WDPCP: variants seen among roughly 807,000 people sequenced by gnomAD.
WDPCP encodes WD repeat-containing and planar cell polarity effector protein fritz homolog.
WDPCP carries 71 observed loss-of-function variants against 93.1 expected under a neutral mutation model. That is an observed-to-expected ratio of 0.76 (90% confidence interval 0.63 to 0.93). The LOEUF is 0.93. WDPCP is among the 40% of genes least tolerant of loss of function. The pLI is 0.00. For missense variants in WDPCP, 844 were observed against 887.4 expected, an observed-to-expected ratio of 0.95 and a Z score of 0.62; for synonymous variants, 315 against 315.0, an observed-to-expected ratio of 1.00 and a Z score of 0.00.
At chr2:63,643,613 G>T in intron 3 of WDPCP, 1 of 443,082 alleles carries the variant, frequency 2.3e-6, no homozygotes, top group South Asian at 1.8e-5. Context: ...TGGATAGTGT[G>T]AACATCATGA....
intron 1 of WDPCP, among the ~76,000 whole-genome samples, chr2:63,551,259 T>C (rs1384687497): frequency 6.6e-6 from 1 of 152,082 alleles, no homozygotes; most frequent in African/African-American, 2.4e-5. Flanking sequence ...GTAAAAAATA[T>C]GACTGTAATA....
chr2:63,152,779 A>G (rs1671972687), intron 17 of WDPCP, 135 bp downstream of exon 17: 1 of 751,326 alleles, frequency 1.3e-6, no homozygotes, highest in African/African-American at 1.8e-5. Context: ...GTTAATATAG[A>G]CCAGTTAATC....
At chr2:63,611,050 A>G (rs1321246153) in intron 3 of WDPCP, among the ~76,000 whole-genome samples, 1 of 152,188 alleles carries the variant, frequency 6.6e-6, no homozygotes, top group Non-Finnish European at 1.5e-5. Flanking sequence ...AAGAACTGAG[A>G]TCATGCCACA....
upstream of WDPCP, chr2:63,589,255 TAGG>T: frequency 1.3e-6 from 2 of 1,552,402 alleles, no homozygotes. Context: ...GGGGCGCTCT[TAGG>T]AGGACTCTGG....
intron 16 of WDPCP, 49 bp downstream of exon 16, chr2:63,153,446 T>C (rs556435415): frequency 5.7e-6 from 8 of 1,408,554 alleles, no homozygotes; most frequent in African/African-American, 1.4e-5. Context: ...AGCTATAACA[T>C]AGTTTTTCTG....
chr2:63,835,208 G>A, the WDPCP span, among the ~76,000 whole-genome samples: 1 of 151,698 alleles, frequency 6.6e-6, no homozygotes, highest in East Asian at 1.9e-4. Context: ...CCAACATGGT[G>A]AAACCCTGTC....
At chr2:63,684,573 C>T in intron 2 of WDPCP, 1 of 715,804 alleles carries the variant, frequency 1.4e-6, no homozygotes, top group South Asian at 1.4e-5. Flanking sequence ...GTGGATATCC[C>T]CTTGAACAAA....
intron 3 of WDPCP, among the ~76,000 whole-genome samples, chr2:63,615,837 A>G (rs1325903754): frequency 6.6e-6 from 1 of 152,102 alleles, no homozygotes; most frequent in Non-Finnish European, 1.5e-5. Flanking sequence ...TTTTCTACTC[A>G]TGCTTCTTCT....
intron 12 of WDPCP, among the ~76,000 whole-genome samples, chr2:63,360,313 C>A (rs1255763884): frequency 2.6e-5 from 4 of 152,168 alleles, no homozygotes; most frequent in Admixed American, 6.5e-5. Flanking sequence ...ACTTAAGCAC[C>A]AATATTGCAC....
intron 1 of WDPCP, among the ~76,000 whole-genome samples, chr2:63,548,192 T>C (rs1232250817): frequency 1.3e-5 from 2 of 151,858 alleles, no homozygotes; most frequent in African/African-American, 4.8e-5. Flanking sequence ...ACATCTAAAA[T>C]ATAAGGAAAC....
intron 17 of WDPCP, among the ~76,000 whole-genome samples, chr2:63,135,871 A>G (rs1670580819): frequency 6.6e-6 from 1 of 152,060 alleles, no homozygotes; most frequent in Non-Finnish European, 1.5e-5. Context: ...AGCTGGGACT[A>G]CAGGCACGTG....
intron 1 of WDPCP, among the ~76,000 whole-genome samples, chr2:63,562,650 C>A (rs1706714414): frequency 6.6e-6 from 1 of 152,104 alleles, no homozygotes; most frequent in Non-Finnish European, 1.5e-5. Flanking sequence ...TTTCTAATTC[C>A]AACATTTTTC....
At chr2:63,720,344 G>A (rs1045958234) in intron 2 of WDPCP, among the ~76,000 whole-genome samples, 9 of 151,522 alleles carry the variant, frequency 5.9e-5, no homozygotes, top group African/African-American at 2.2e-4. Context: ...TTGATCCCAT[G>A]AGGCAGAGGT....
intron 10 of WDPCP, among the ~76,000 whole-genome samples, chr2:63,398,399 A>G (rs2105112734): frequency 6.6e-6 from 1 of 152,334 alleles, no homozygotes; most frequent in Admixed American, 6.5e-5. Flanking sequence ...ATTGCTTTCT[A>G]TAAAACAACA....
intron 1 of WDPCP, among the ~76,000 whole-genome samples, chr2:63,501,293 G>C (rs1701532162): frequency 6.6e-6 from 1 of 152,244 alleles, no homozygotes; most frequent in African/African-American, 2.4e-5. Flanking sequence ...GCCAGGTGCA[G>C]AGGCTTACAT....
At chr2:63,298,909 GT>G (rs1685099227) in intron 13 of WDPCP, among the ~76,000 whole-genome samples, 1 of 152,114 alleles carries the variant, frequency 6.6e-6, no homozygotes, top group African/African-American at 2.4e-5. Flanking sequence ...TTTTCACTAT[GT>G]CCCAAAAGGT....
intron 1 of WDPCP, among the ~76,000 whole-genome samples, chr2:63,554,882 T>C (rs1705962493): frequency 1.3e-5 from 2 of 151,986 alleles, no homozygotes; most frequent in African/African-American, 2.4e-5. Context: ...GGGAGCTACA[T>C]GGGGGAAAGG....
Position 63,342,963 on chromosome 2 carries a change from C to G in WDPCP, c.1749-29652G>C, listed in dbSNP as rs578189750. 7.9e-5 allele frequency among the ~76,000 whole-genome samples: 12 copies of G among 152,062 alleles called. No individual in the cohort carries two copies. In the East Asian group the frequency reaches 2.3e-3, roughly 29 times the overall value. On this transcript the variant is annotated intron_variant, in intron 12 of 17. Transcript: ENST00000272321. ...TTTATCTAGAATGTCTTAATTCTCC[C>G]TCATTTTTAAGAGATAATTTTGCTG...
intron 7 of WDPCP, among the ~76,000 whole-genome samples, chr2:63,438,832 T>C (rs1229398208): frequency 2.0e-5 from 3 of 152,108 alleles, no homozygotes; most frequent in Admixed American, 6.6e-5. Context: ...ACATACTTCC[T>C]TTGATTACTA....
Sources: gnomAD v4.1 joint callset for allele counts (sites outside exome capture counted in the v4.1 genomes callset) on GRCh38, gnomAD v4.1.1 for gene constraint, MANE v1.5 for transcripts, NCBI Gene and HGNC (gene_info 2026-07-23, HGNC 2026-07-21) for gene names.